Variants in CSMD1 observed in about 807,000 individuals in gnomAD.
The protein encoded by CSMD1 is CUB and Sushi multiple domains 1, also known as CUB and sushi domain-containing protein 1.
CSMD1 carries 213 observed loss-of-function variants against 417.5 expected under a neutral mutation model. That is an observed-to-expected ratio of 0.51 (90% CI 0.46 to 0.57). The LOEUF (loss-of-function observed/expected upper bound fraction) is 0.57, where lower values mean the gene tolerates loss of function less well. CSMD1 is among the 20% of genes least tolerant of loss of function. The pLI, the probability that CSMD1 is intolerant of heterozygous loss-of-function variation, is 0.00. For missense variants in CSMD1, 6,923 were observed against 4,529.7 expected, an observed-to-expected ratio of 1.53 and a Z score of -15.17; for synonymous variants, 2,862 against 1,736.8, an observed-to-expected ratio of 1.65 and a Z score of -16.11.
chr8:4,551,143 C>T (rs1797852776), intron 2 of CSMD1, among the ~76,000 whole-genome samples: 1 of 152,204 alleles, frequency 6.6e-6, no homozygotes. Flanking sequence ...CTGGCAACAT[C>T]TATGTGGAGA....
intron 5 of CSMD1, among the ~76,000 whole-genome samples, chr8:3,821,652 C>G (rs894310141): frequency 2.0e-5 from 3 of 152,128 alleles, no homozygotes; most frequent in African/African-American, 7.2e-5. Context: ...CATGGTGGCA[C>G]ATGCCTGTAA....
chr8:4,219,694 G>C (rs1585044743), intron 3 of CSMD1, among the ~76,000 whole-genome samples: 1 of 152,312 alleles, frequency 6.6e-6, no homozygotes, highest in Non-Finnish European at 1.5e-5. Context: ...CAAGTCAAGA[G>C]TTTAAATATT....
At chr8:3,688,299 A>G (rs538747924) in intron 7 of CSMD1, among the ~76,000 whole-genome samples, 12 of 152,290 alleles carry the variant, frequency 7.9e-5, no homozygotes, top group South Asian at 6.2e-4. Context: ...ATAGAGGTGT[A>G]AAGGACCAAT....
At chr8:3,636,797 A>G (rs1232203153) in intron 7 of CSMD1, among the ~76,000 whole-genome samples, 1 of 152,180 alleles carries the variant, frequency 6.6e-6, no homozygotes, top group Non-Finnish European at 1.5e-5. Context: ...TTTGAGTTTC[A>G]TACGATCATA....
At chr8:4,015,820 G>A (rs1048412291) in intron 4 of CSMD1, among the ~76,000 whole-genome samples, 1 of 152,136 alleles carries the variant, frequency 6.6e-6, no homozygotes, top group Non-Finnish European at 1.5e-5. Context: ...CATTCACTAA[G>A]CAAGCGGCGT....
intron 3 of CSMD1, among the ~76,000 whole-genome samples, chr8:4,117,595 T>C (rs376073161): frequency 6.6e-6 from 1 of 152,212 alleles, no homozygotes; most frequent in African/African-American, 2.4e-5. Context: ...TGATTATTTT[T>C]TACAAAGGAC....
chr8:3,626,251 A>G (rs1304825231), intron 7 of CSMD1, among the ~76,000 whole-genome samples: 1 of 152,162 alleles, frequency 6.6e-6, no homozygotes, highest in Non-Finnish European at 1.5e-5. Flanking sequence ...AGGGCCTGTC[A>G]TTTCTGCTCT....
intron 7 of CSMD1, 96 bp from the exon 8 acceptor site, chr8:3,616,893 T>C (rs1802167735): frequency 2.6e-6 from 2 of 765,628 alleles, no homozygotes; most frequent in African/African-American, 1.7e-5. Context: ...TCTTTAATGA[T>C]AATGACTTAA....
intron 41 of CSMD1, among the ~76,000 whole-genome samples, chr8:3,119,398 A>AC (rs1221783831): frequency 1.4e-5 from 2 of 144,864 alleles, no homozygotes; most frequent in Non-Finnish European, 3.0e-5. Context: ...AAAAAAAAAA[A>AC]AAAAAAAAAA....
intron 62 of CSMD1, among the ~76,000 whole-genome samples, chr8:2,958,440 C>G (rs965806797): frequency 1.8e-4 from 27 of 152,204 alleles, no homozygotes; most frequent in African/African-American, 6.3e-4. Flanking sequence ...CGTATCTGCT[C>G]CACTCACCAC....
chr8:4,101,739 C>T (rs1229068711), intron 3 of CSMD1, among the ~76,000 whole-genome samples: 6 of 152,136 alleles, frequency 3.9e-5, no homozygotes, highest in Non-Finnish European at 8.8e-5. Context: ...GCAAACTGGG[C>T]CAATGATAAG....
chr8:3,618,600 T>C (rs1198466493), intron 7 of CSMD1, among the ~76,000 whole-genome samples: 3 of 152,256 alleles, frequency 2.0e-5, no homozygotes, highest in Non-Finnish European at 2.9e-5. Context: ...AGTTTGGTGA[T>C]AGCATCAGTA....
At chr8:4,613,416 T>A (rs986118893) in intron 2 of CSMD1, among the ~76,000 whole-genome samples, 1 of 152,162 alleles carries the variant, frequency 6.6e-6, no homozygotes, top group African/African-American at 2.4e-5. Flanking sequence ...AAGCTCATGC[T>A]ACTCATGAAC....
At chr8:4,115,136 G>C (rs1203373569) in intron 3 of CSMD1, among the ~76,000 whole-genome samples, 1 of 152,098 alleles carries the variant, frequency 6.6e-6, no homozygotes, top group Non-Finnish European at 1.5e-5. Context: ...CCATAGATGA[G>C]GCAAAATATC....
intron 5 of CSMD1, among the ~76,000 whole-genome samples, chr8:3,969,971 G>A (rs527614731): frequency 1.3e-5 from 2 of 151,968 alleles, no homozygotes; most frequent in African/African-American, 2.4e-5. Flanking sequence ...GTCACTCAGG[G>A]AAGAGTTGTC....
At chr8:3,176,577 T>C (rs187712940) in intron 37 of CSMD1, among the ~76,000 whole-genome samples, 5 of 152,256 alleles carry the variant, frequency 3.3e-5, no homozygotes, top group African/African-American at 7.2e-5. Context: ...GATCCTTACA[T>C]TGTAAAACCC....
At chr8:3,115,194 T>TCCCCCC (rs5888947) in intron 42 of CSMD1, among the ~76,000 whole-genome samples, 2 of 109,086 alleles carry the variant, frequency 1.8e-5, no homozygotes, top group African/African-American at 3.0e-5. Flanking sequence ...ACAATTACAA[T>TCCCCCC]CCCCCCCCCC....
intron 5 of CSMD1, among the ~76,000 whole-genome samples, chr8:3,997,360 C>T (rs926280586): frequency 4.6e-5 from 7 of 152,124 alleles, no homozygotes; most frequent in Admixed American, 1.3e-4. Context: ...AGAGAACTGA[C>T]CACCCTGCGG....
At chr8:3,239,227 G>C (rs1799342411) in intron 26 of CSMD1, among the ~76,000 whole-genome samples, 1 of 151,984 alleles carries the variant, frequency 6.6e-6, no homozygotes, top group African/African-American at 2.4e-5. Flanking sequence ...GGATATAAAG[G>C]TTTCACTGAA....
Sources: allele counts gnomAD v4.1 joint callset (sites outside exome capture counted in the v4.1 genomes callset), GRCh38; gene constraint gnomAD v4.1.1; transcripts MANE v1.5; gene names NCBI Gene and HGNC (gene_info 2026-07-23, HGNC 2026-07-21).